CDH13: variants seen among roughly 807,000 people sequenced by gnomAD.
The protein encoded by CDH13 is cadherin 13.
CDH13 carries 24 observed loss-of-function variants against 63.8 expected under a neutral mutation model. The observed-to-expected ratio is 0.38, with a 90% CI of 0.27 to 0.53. CDH13 has a LOEUF of 0.53. Ranked by LOEUF, CDH13 falls within the 20% of genes least tolerant of loss-of-function variation. CDH13 has a pLI of 0.85. For synonymous variants in CDH13, 503 were observed against 355.3 expected, an observed-to-expected ratio of 1.42 and a Z score of -4.67; for missense variants, 1,049 against 903.1, an observed-to-expected ratio of 1.16 and a Z score of -2.07.
intron 2 of CDH13, among the ~76,000 whole-genome samples, chr16:83,000,732 A>T (rs556133545): frequency 6.6e-6 from 1 of 151,898 alleles, no homozygotes; most frequent in Non-Finnish European, 1.5e-5. Context: ...GGTACCCGCC[A>T]CCATGCCCGG....
intron 6 of CDH13, among the ~76,000 whole-genome samples, chr16:83,368,162 T>G (rs992577191): frequency 2.0e-5 from 3 of 152,246 alleles, no homozygotes; most frequent in African/African-American, 7.2e-5. Context: ...AACATAGACA[T>G]TATTATGCTT....
chr16:82,776,267 A>G (rs1326882259), intron 1 of CDH13, among the ~76,000 whole-genome samples: 1 of 146,554 alleles, frequency 6.8e-6, no homozygotes, highest in Non-Finnish European at 1.5e-5. Context: ...GGGAGGGAGG[A>G]GAGGGAAGAA....
intron 1 of CDH13, among the ~76,000 whole-genome samples, chr16:82,737,708 A>T (rs2033742202): frequency 6.6e-6 from 1 of 152,218 alleles, no homozygotes; most frequent in South Asian, 2.1e-4. Context: ...AGTTCTATAG[A>T]GGACACCTTC....
intron 1 of CDH13, among the ~76,000 whole-genome samples, chr16:82,831,574 C>G (rs1424992929): frequency 6.6e-6 from 1 of 152,018 alleles, no homozygotes; most frequent in Non-Finnish European, 1.5e-5. Context: ...GGTGAGGACC[C>G]CAGCTGTGGA....
chr16:83,457,141 C>T (rs981283338), intron 6 of CDH13, among the ~76,000 whole-genome samples: 6 of 152,168 alleles, frequency 3.9e-5, no homozygotes, highest in African/African-American at 9.7e-5. Flanking sequence ...AGCTCTGCCA[C>T]GTCCCTGGTA....
At chr16:83,743,748 C>CATTTTT (rs1912280138) in intron 10 of CDH13, among the ~76,000 whole-genome samples, 1 of 76,258 alleles carries the variant, frequency 1.3e-5, no homozygotes, top group African/African-American at 5.5e-5. Context: ...TTTCTTTTTT[C>CATTTTT]TTTTTTTTTT....
At chr16:83,167,258 A>T (rs184900688) in intron 4 of CDH13, among the ~76,000 whole-genome samples, 2 of 151,460 alleles carry the variant, frequency 1.3e-5, no homozygotes, top group East Asian at 3.9e-4. Flanking sequence ...GAACTTTGGG[A>T]GGCTGAGGCA....
At chr16:83,209,631 C>A (rs1382166829) in intron 4 of CDH13, among the ~76,000 whole-genome samples, 5 of 152,062 alleles carry the variant, frequency 3.3e-5, no homozygotes, top group African/African-American at 1.2e-4. Flanking sequence ...CTTCTTCACT[C>A]AGAGTGTTAA....
At chr16:83,682,275 C>G (rs1915470418) in intron 10 of CDH13, among the ~76,000 whole-genome samples, 1 of 152,094 alleles carries the variant, frequency 6.6e-6, no homozygotes, top group Non-Finnish European at 1.5e-5. Flanking sequence ...AGGCTCCCTT[C>G]TGGGAGTCTT....
chr16:83,158,671 C>G (rs558418608), intron 4 of CDH13, among the ~76,000 whole-genome samples: 1 of 152,364 alleles, frequency 6.6e-6, no homozygotes, highest in East Asian at 1.9e-4. Context: ...TTAAACAGAT[C>G]CACGGTACAC....
At chr16:83,583,488 C>T (rs1438860363) in intron 7 of CDH13, among the ~76,000 whole-genome samples, 2 of 152,162 alleles carry the variant, frequency 1.3e-5, no homozygotes, top group Non-Finnish European at 2.9e-5. Flanking sequence ...TAATAGCTTC[C>T]ACTTGCTGAT....
At chr16:83,561,421 C>T (rs2075706747) in intron 7 of CDH13, among the ~76,000 whole-genome samples, 1 of 69,930 alleles carries the variant, frequency 1.4e-5, no homozygotes, top group African/African-American at 5.6e-5. Flanking sequence ...AGGGAAACAC[C>T]ATCTCAAAAA....
At chr16:83,011,056 T>C (rs1190151224) in intron 2 of CDH13, among the ~76,000 whole-genome samples, 2 of 152,142 alleles carry the variant, frequency 1.3e-5, no homozygotes, top group African/African-American at 4.8e-5. Context: ...ATAAAGATGG[T>C]GTGGAACGTT....
intron 1 of CDH13, among the ~76,000 whole-genome samples, chr16:82,678,132 A>C (rs7203470): frequency 0.17 from 25,323 of 151,958 alleles, 2,571 homozygotes; most frequent in East Asian, 0.41. Flanking sequence ...AGTACGGGAA[A>C]CTTTCTTTTC....
chr16:83,110,853 C>G (rs2035023146), intron 3 of CDH13, among the ~76,000 whole-genome samples: 1 of 151,964 alleles, frequency 6.6e-6, no homozygotes. Context: ...GGAGCATACC[C>G]CCAAAACCCT....
At chr16:82,814,979 G>C (rs2037633771) in intron 1 of CDH13, among the ~76,000 whole-genome samples, 2 of 152,156 alleles carry the variant, frequency 1.3e-5, no homozygotes, top group Admixed American at 1.3e-4. Context: ...CAAAACTGTT[G>C]AGTGGTGTGT....
intron 3 of CDH13, among the ~76,000 whole-genome samples, chr16:83,053,451 G>A (rs576315446): frequency 1.0e-3 from 153 of 152,176 alleles, no homozygotes; most frequent in Middle Eastern, 3.4e-3. Flanking sequence ...TTCACAGTAA[G>A]AAGATTTATC....
intron 5 of CDH13, among the ~76,000 whole-genome samples, chr16:83,264,056 T>C (rs1907303525): frequency 6.6e-6 from 1 of 152,200 alleles, no homozygotes; most frequent in African/African-American, 2.4e-5. Context: ...CATTTTTTAT[T>C]AGCATGTGAT....
At chr16:83,678,490 G>T in intron 10 of CDH13, 29 bp downstream of exon 10, 2 of 1,612,578 alleles carry the variant, frequency 1.2e-6, no homozygotes, top group South Asian at 1.1e-5. Flanking sequence ...AACCACAGAC[G>T]GGAGGTGGGC....
Sources: gnomAD v4.1 joint callset for allele counts (sites outside exome capture counted in the v4.1 genomes callset) on GRCh38, gnomAD v4.1.1 for gene constraint, MANE v1.5 for transcripts, NCBI Gene and HGNC (gene_info 2026-07-23, HGNC 2026-07-21) for gene names.